TENM3: variants seen among roughly 807,000 people sequenced by gnomAD.
TENM3 encodes teneurin-3.
Under a neutral mutation model 255.1 loss-of-function variants are expected in TENM3, and 63 were observed. That is an observed-to-expected ratio of 0.25 (90% confidence interval 0.20 to 0.30). The LOEUF is 0.30. Ranked by LOEUF, TENM3 falls within the 10% of genes least tolerant of loss-of-function variation. TENM3 has a pLI of 1.00. For synonymous variants in TENM3, 1,306 were observed against 1,322.3 expected (o/e 0.99, Z 0.27); for missense variants, 2,929 against 3,461.1 (o/e 0.85, Z 3.86).
At chr4:181,688,923 T>C in the TENM3 span, among the ~76,000 whole-genome samples, 2 of 152,218 alleles carry the variant, frequency 1.3e-5, no homozygotes, top group African/African-American at 4.8e-5. Flanking sequence ...CTGGGTACCC[T>C]TAGTCTCAGA....
At chr4:182,261,050 A>G (rs1758754185) in intron 1 of TENM3, among the ~76,000 whole-genome samples, 1 of 151,938 alleles carries the variant, frequency 6.6e-6, no homozygotes, top group Admixed American at 6.6e-5. Flanking sequence ...TAATTTTTGT[A>G]TTTTTAATAG....
chr4:181,802,159 T>C, the TENM3 span, among the ~76,000 whole-genome samples: 7 of 152,180 alleles, frequency 4.6e-5, no homozygotes, highest in Non-Finnish European at 1.5e-5. Context: ...AGGCACAGCT[T>C]CATCCCACGA....
chr4:182,524,646 C>A (rs1738956306), intron 3 of TENM3, among the ~76,000 whole-genome samples: 2 of 151,756 alleles, frequency 1.3e-5, no homozygotes, highest in Non-Finnish European at 2.9e-5. Flanking sequence ...CAGACTTGAA[C>A]CGTCACACCC....
At chr4:182,768,171 G>A (rs1368643064) in intron 22 of TENM3, among the ~76,000 whole-genome samples, 1 of 152,144 alleles carries the variant, frequency 6.6e-6, no homozygotes. Flanking sequence ...TGGTGTATGC[G>A]CTTCTCTAAA....
At chr4:182,224,877 C>G (rs1044496888) in intron 1 of TENM3, among the ~76,000 whole-genome samples, 1 of 151,958 alleles carries the variant, frequency 6.6e-6, no homozygotes, top group Non-Finnish European at 1.5e-5. Context: ...GCTGGGATTA[C>G]AGTCACGCGC....
the TENM3 span, among the ~76,000 whole-genome samples, chr4:181,552,915 C>T: frequency 6.6e-6 from 1 of 152,206 alleles, no homozygotes; most frequent in Non-Finnish European, 1.5e-5. Context: ...TGTGTAAACA[C>T]GTGCGTGTGC....
At chr4:181,689,022 C>T in the TENM3 span, among the ~76,000 whole-genome samples, 1 of 152,164 alleles carries the variant, frequency 6.6e-6, no homozygotes, top group Non-Finnish European at 1.5e-5. Context: ...ACTGGACATA[C>T]ATACACTTTA....
chr4:182,063,048 C>T, the TENM3 span, among the ~76,000 whole-genome samples: 3 of 152,100 alleles, frequency 2.0e-5, no homozygotes, highest in African/African-American at 7.2e-5. Context: ...GATAAATGAA[C>T]AATCACAAAG....
the TENM3 span, among the ~76,000 whole-genome samples, chr4:181,700,217 T>G: frequency 8.2e-6 from 1 of 121,454 alleles, no homozygotes; most frequent in African/African-American, 3.3e-5. Context: ...TGATTTTTAT[T>G]TTATTTCAGG....
the TENM3 span, among the ~76,000 whole-genome samples, chr4:182,070,119 G>T: frequency 1.3e-5 from 2 of 152,156 alleles, no homozygotes; most frequent in Non-Finnish European, 2.9e-5. Context: ...GAAATTCCAG[G>T]TGTCTGAATT....
chr4:181,822,388 G>T, the TENM3 span, among the ~76,000 whole-genome samples: 1 of 152,156 alleles, frequency 6.6e-6, no homozygotes, highest in South Asian at 2.1e-4. Context: ...AGTATTTGCC[G>T]TAAGAGTCAC....
At chr4:181,450,379 C>A in the TENM3 span, among the ~76,000 whole-genome samples, 1 of 152,102 alleles carries the variant, frequency 6.6e-6, no homozygotes, top group Non-Finnish European at 1.5e-5. Flanking sequence ...TCATTGCAAA[C>A]ACTTTCAGTG....
At chr4:181,463,542 G>A in the TENM3 span, among the ~76,000 whole-genome samples, 2 of 152,102 alleles carry the variant, frequency 1.3e-5, no homozygotes, top group African/African-American at 4.8e-5. Context: ...ATTTAAAATA[G>A]TAGGCATTCA....
chr4:182,501,664 T>C (rs1514476), intron 3 of TENM3, among the ~76,000 whole-genome samples: 136,562 of 152,136 alleles, frequency 0.9, 61,423 homozygotes, highest in East Asian at 0.96. Context: ...TGAAGATATA[T>C]CATTATTTCT....
chr4:182,562,576 A>G (rs922438194), intron 3 of TENM3, among the ~76,000 whole-genome samples: 1 of 152,020 alleles, frequency 6.6e-6, no homozygotes, highest in Non-Finnish European at 1.5e-5. Context: ...CCCTGGGCAT[A>G]GTGGGGGTTG....
chr4:182,518,414 T>G (rs549082706), intron 3 of TENM3, among the ~76,000 whole-genome samples: 2 of 152,270 alleles, frequency 1.3e-5, no homozygotes, highest in South Asian at 4.1e-4. Flanking sequence ...ATCAGTTGAC[T>G]CTGCATTCAT....
At chr4:182,568,106 C>A (rs1186195287) in intron 3 of TENM3, among the ~76,000 whole-genome samples, 2 of 152,162 alleles carry the variant, frequency 1.3e-5, no homozygotes, top group African/African-American at 2.4e-5. Context: ...ATCATGTGCA[C>A]CTAATTCATC....
chr4:181,466,059 C>A, the TENM3 span, among the ~76,000 whole-genome samples: 2 of 151,962 alleles, frequency 1.3e-5, no homozygotes, highest in Non-Finnish European at 2.9e-5. Context: ...TTGACATCCA[C>A]CTAAACGTGG....
At chr4:181,832,825 G>C in the TENM3 span, among the ~76,000 whole-genome samples, 8 of 152,248 alleles carry the variant, frequency 5.3e-5, no homozygotes, top group African/African-American at 1.9e-4. Flanking sequence ...CGGGTTGTGT[G>C]GGGGGCAGCC....
Sources: gnomAD v4.1 joint callset for allele counts (sites outside exome capture counted in the v4.1 genomes callset) on GRCh38, gnomAD v4.1.1 for gene constraint, MANE v1.5 for transcripts, NCBI Gene and HGNC (gene_info 2026-07-23, HGNC 2026-07-21) for gene names.